The following SLC25A21 variants were observed in gnomAD, a reference collection of about 807,000 sequenced individuals.
SLC25A21 encodes mitochondrial 2-oxodicarboxylate carrier.
A neutral mutation model predicts 43.8 loss-of-function variants in SLC25A21; 47 were observed. That is an observed-to-expected ratio of 1.07 (90% CI 0.85 to 1.37). SLC25A21 has a LOEUF of 1.37. SLC25A21 is among the 40% of genes most tolerant of loss of function. The pLI, the probability that SLC25A21 is intolerant of heterozygous loss-of-function variation, is 0.00. For missense variants in SLC25A21, 352 were observed against 350.2 expected, an observed-to-expected ratio of 1.00 and a Z score of -0.04; for synonymous variants, 131 against 121.3, an observed-to-expected ratio of 1.08 and a Z score of -0.52.
intron 6 of SLC25A21, among the ~76,000 whole-genome samples, chr14:36,714,776 G>C (rs60547886): frequency 1.3e-3 from 203 of 152,190 alleles, no homozygotes; most frequent in Middle Eastern, 6.8e-3. Context: ...ATCCCTATTT[G>C]GCAGATAAGG....
rs574856390 is a variant in SLC25A21 at position 36,701,692 on chromosome 14, C to T, written c.603+9626G>A. Reference sequence around the variant, plus strand: ...ACAGATATAATATGTATTGTATATACCTATATATTCAGGTGGTTAGATAAT... The same window carrying T: ...ACAGATATAATATGTATTGTATATATCTATATATTCAGGTGGTTAGATAAT... On this transcript the variant is annotated intron_variant, in intron 7 of 9. Coordinates refer to ENST00000331299, the MANE Select transcript of SLC25A21 (RefSeq NM_030631.4). Among the ~76,000 whole-genome samples, 613 of 152,122 alleles carry T rather than the reference C, an allele frequency of 4.0e-3. 5 individuals are homozygous for T. The highest frequency in any genetic ancestry group is 0.014 in the African/African-American group (575 of 41,488).
chr14:36,730,689 C>A (rs553684787), intron 4 of SLC25A21, among the ~76,000 whole-genome samples: 1 of 152,262 alleles, frequency 6.6e-6, no homozygotes, highest in Middle Eastern at 3.4e-3. Flanking sequence ...CATGGTCTTT[C>A]AAATGCACTA....
At chr14:36,772,470 T>C (rs563783785) in intron 3 of SLC25A21, among the ~76,000 whole-genome samples, 2 of 152,356 alleles carry the variant, frequency 1.3e-5, no homozygotes, top group African/African-American at 4.8e-5. Context: ...GAAAGATTTA[T>C]TCATGTTTTA....
intron 2 of SLC25A21, among the ~76,000 whole-genome samples, chr14:36,823,700 T>C (rs1888717208): frequency 6.6e-6 from 1 of 152,150 alleles, no homozygotes; most frequent in Non-Finnish European, 1.5e-5. Flanking sequence ...ACAAGTATCG[T>C]AGTTTTCCTG....
chr14:36,772,832 C>T (rs534358717), intron 3 of SLC25A21, among the ~76,000 whole-genome samples: 1 of 152,310 alleles, frequency 6.6e-6, no homozygotes, highest in South Asian at 2.1e-4. Flanking sequence ...ACCCAGGTTG[C>T]TGTTGGGAAT....
chr14:37,153,694 C>A (rs1386170233), intron 1 of SLC25A21, among the ~76,000 whole-genome samples: 8 of 152,218 alleles, frequency 5.3e-5, no homozygotes, highest in African/African-American at 1.7e-4. Flanking sequence ...GTCTCTAACA[C>A]AAGCACTTAG....
intron 1 of SLC25A21, among the ~76,000 whole-genome samples, chr14:37,001,111 T>C (rs552796820): frequency 4.7e-4 from 71 of 152,304 alleles, no homozygotes; most frequent in Middle Eastern, 6.8e-3. Context: ...TGATTTTATA[T>C]GCCTATTTAA....
intron 3 of SLC25A21, among the ~76,000 whole-genome samples, chr14:36,779,148 T>C (rs1290530135): frequency 6.8e-6 from 1 of 148,144 alleles, no homozygotes; most frequent in African/African-American, 2.5e-5. Context: ...TGGTAGAATT[T>C]CCTCCTTTTC....
Position 36,678,657 on chromosome 14 carries a change from A to G in SLC25A21, c.*2001T>C. The stretch of plus-strand genomic sequence containing the variant: ...TTTAGGTGGCTGTTAGGGGGCTTTA[A>G]AAAATATTACTTGCTTGTGTGGAAA... On this transcript the variant is annotated 3_prime_UTR_variant, in exon 10 of 10. Coordinates refer to ENST00000331299, the MANE Select transcript of SLC25A21 (RefSeq NM_030631.4). 1 of 1,254,042 alleles carries G rather than the reference A, an allele frequency of 8.0e-7. No homozygotes were observed. Among genetic ancestry groups the G allele is most frequent in the Non-Finnish European group, 1.0e-6 (1 of 1,001,258 alleles). The allele number at this position is 1,254,042 out of a possible 1,614,324, so 77.7% of individuals were successfully genotyped here. A position where few individuals can be genotyped will look rare whatever the true frequency, so the allele number is the denominator to read the frequency against.
At chr14:37,084,887 T>C (rs1962454819) in intron 1 of SLC25A21, among the ~76,000 whole-genome samples, 1 of 152,240 alleles carries the variant, frequency 6.6e-6, no homozygotes, top group Admixed American at 6.5e-5. Context: ...AAACCCCAAC[T>C]TAAAAGTGCT....
At chr14:36,689,657 C>A (rs1283787698) in intron 7 of SLC25A21, among the ~76,000 whole-genome samples, 1 of 152,192 alleles carries the variant, frequency 6.6e-6, no homozygotes, top group African/African-American at 2.4e-5. Flanking sequence ...TATCCATGAA[C>A]TCTGTGATTC....
chr14:36,907,970 G>C (rs113469874), intron 1 of SLC25A21, among the ~76,000 whole-genome samples: 9 of 152,254 alleles, frequency 5.9e-5, no homozygotes, highest in African/African-American at 1.7e-4. Context: ...TCAGAGAAGG[G>C]AAATATGGAA....
intron 6 of SLC25A21, among the ~76,000 whole-genome samples, chr14:36,719,400 A>G (rs1036362655): frequency 3.3e-5 from 5 of 152,210 alleles, no homozygotes; most frequent in Non-Finnish European, 7.3e-5. Context: ...AGATCAGAAC[A>G]ACTCTTTGCC....
At chr14:37,051,033 T>C (rs932001900) in intron 1 of SLC25A21, among the ~76,000 whole-genome samples, 2 of 152,224 alleles carry the variant, frequency 1.3e-5, no homozygotes, top group East Asian at 1.9e-4. Context: ...TCTATCTTTT[T>C]CCATTGGCCT....
intron 1 of SLC25A21, 148 bp downstream of exon 1, chr14:37,172,133 C>T (rs926875549): frequency 2.4e-6 from 2 of 824,540 alleles, no homozygotes; most frequent in Admixed American, 3.0e-5. Context: ...GCTCTCGCGC[C>T]TCTAGGGGCT....
chr14:36,990,572 C>G (rs879722058), intron 1 of SLC25A21, among the ~76,000 whole-genome samples: 6 of 152,104 alleles, frequency 3.9e-5, no homozygotes, highest in Non-Finnish European at 8.8e-5. Context: ...AAATATTACT[C>G]TAATTTTAAA....
chr14:37,005,638 T>G (rs1039434450), intron 1 of SLC25A21, among the ~76,000 whole-genome samples: 1 of 152,080 alleles, frequency 6.6e-6, no homozygotes, highest in African/African-American at 2.4e-5. Flanking sequence ...ATCTTGCAAT[T>G]TACATTCCCT....
chr14:36,844,490 G>A (rs1222568718), intron 2 of SLC25A21, among the ~76,000 whole-genome samples: 1 of 152,034 alleles, frequency 6.6e-6, no homozygotes, highest in Non-Finnish European at 1.5e-5. Flanking sequence ...TGAGGTATGA[G>A]GAAGGAAAAA....
At chr14:37,004,653 G>C (rs1298984612) in intron 1 of SLC25A21, among the ~76,000 whole-genome samples, 3 of 152,168 alleles carry the variant, frequency 2.0e-5, no homozygotes, top group Non-Finnish European at 4.4e-5. Flanking sequence ...CATCAGGTGT[G>C]AGCAGACATC....
Sources: gnomAD v4.1 joint callset for allele counts (sites outside exome capture counted in the v4.1 genomes callset) on GRCh38, gnomAD v4.1.1 for gene constraint, MANE v1.5 for transcripts, NCBI Gene and HGNC (gene_info 2026-07-23, HGNC 2026-07-21) for gene names.